Variants in BABAM2 observed in about 807,000 individuals in gnomAD.
BABAM2 encodes the protein BRISC and BRCA1-A complex member 2.
In BABAM2, 31 loss-of-function variants were observed where a neutral mutation model predicts 54.7. That is an observed-to-expected ratio of 0.57 (90% CI 0.43 to 0.77). BABAM2 has a LOEUF of 0.77. Among genes scored for constraint, BABAM2 ranks in the 30% least tolerant of loss-of-function variants. The pLI is 0.00. For missense variants in BABAM2, 364 were observed against 455.8 expected (o/e 0.80, Z 1.83); for synonymous variants, 167 against 162.9 (o/e 1.03, Z -0.19).
intron 7 of BABAM2, among the ~76,000 whole-genome samples, chr2:28,129,946 A>G (rs929883138): frequency 1.3e-5 from 2 of 152,260 alleles, no homozygotes; most frequent in Non-Finnish European, 2.9e-5. Flanking sequence ...TTTGTGTTAT[A>G]ACCAAGTAAC....
At position 27,925,245 on chromosome 2, in the gene BABAM2, A is replaced by G. The variant is rs866257854; in HGVS notation, c.129-4587A>G. On this transcript the variant is annotated intron_variant, in intron 2 of 11. Transcript: ENST00000379624. ...TCTGTGATGTTTTAGTGGCCCTTATAGATTGGCTAGCCCACCCATTAGCCT... is the reference window on the plus strand; with the variant it reads ...TCTGTGATGTTTTAGTGGCCCTTATGGATTGGCTAGCCCACCCATTAGCCT... 4.6e-5 allele frequency among the ~76,000 whole-genome samples: 7 copies of G among 152,228 alleles called. No homozygotes were observed. The South Asian group carries it at 1.5e-3, about 32-fold the overall frequency.
chr2:28,266,541 T>G (rs1685002340), intron 10 of BABAM2, among the ~76,000 whole-genome samples: 1 of 152,226 alleles, frequency 6.6e-6, no homozygotes, highest in Non-Finnish European at 1.5e-5. Flanking sequence ...AGTGATAAGA[T>G]CTTATAGTAT....
At chr2:28,040,873 G>A (rs1054057337) in intron 5 of BABAM2, among the ~76,000 whole-genome samples, 23 of 152,294 alleles carry the variant, frequency 1.5e-4, no homozygotes, top group African/African-American at 5.3e-4. Context: ...CATTAGTTGT[G>A]TAAATCAGCC....
chr2:28,081,007 G>T (rs565720948), intron 6 of BABAM2, among the ~76,000 whole-genome samples: 21 of 152,250 alleles, frequency 1.4e-4, no homozygotes, highest in Admixed American at 5.2e-4. Flanking sequence ...TTCCTGTTTT[G>T]CATGGATGAG....
At chr2:28,158,448 T>G (rs780993360) in intron 7 of BABAM2, among the ~76,000 whole-genome samples, 4 of 152,222 alleles carry the variant, frequency 2.6e-5, no homozygotes, top group Admixed American at 6.5e-5. Flanking sequence ...ATAAGGTAGC[T>G]CCTCAGTTTA....
chr2:28,213,212 C>T (rs1224830210), intron 7 of BABAM2, among the ~76,000 whole-genome samples: 8 of 150,240 alleles, frequency 5.3e-5, no homozygotes, highest in Non-Finnish European at 7.4e-5. Context: ...GGTGACAGAA[C>T]GAGACCCTGT....
chr2:28,142,999 T>G (rs1426864748), intron 7 of BABAM2, among the ~76,000 whole-genome samples: 1 of 152,148 alleles, frequency 6.6e-6, no homozygotes, highest in Non-Finnish European at 1.5e-5. Flanking sequence ...AGATTGTTCA[T>G]TTACTTTTTT....
chr2:28,326,319 T>C (rs1363737898), intron 11 of BABAM2, among the ~76,000 whole-genome samples: 1 of 152,062 alleles, frequency 6.6e-6, no homozygotes, highest in Non-Finnish European at 1.5e-5. Context: ...CAGCACATCA[T>C]GGTCTGTGCT....
intron 7 of BABAM2, among the ~76,000 whole-genome samples, chr2:28,221,621 G>A (rs186951162): frequency 1.8e-4 from 27 of 152,216 alleles, no homozygotes; most frequent in African/African-American, 6.5e-4. Context: ...CTATCTTCCT[G>A]GTGGCTGTAT....
chr2:27,888,837 AT>A (rs776288601), upstream of BABAM2, among the ~76,000 whole-genome samples: 7 of 152,140 alleles, frequency 4.6e-5, no homozygotes, highest in Non-Finnish European at 7.4e-5. Context: ...AGCCTAAAAT[AT>A]TTACTATCTG....
intron 10 of BABAM2, among the ~76,000 whole-genome samples, chr2:28,253,041 A>G (rs1053322665): frequency 9.2e-5 from 14 of 152,350 alleles, no homozygotes; most frequent in African/African-American, 3.4e-4. Flanking sequence ...TTGGTGAAGC[A>G]TGGGCATTAT....
At chr2:28,024,639 C>T (rs1223972014) in intron 4 of BABAM2, among the ~76,000 whole-genome samples, 1 of 152,108 alleles carries the variant, frequency 6.6e-6, no homozygotes, top group East Asian at 1.9e-4. Flanking sequence ...GAGTGACTGA[C>T]GGATGAACTG....
intron 6 of BABAM2, among the ~76,000 whole-genome samples, chr2:28,115,243 C>T (rs1440742363): frequency 3.3e-5 from 5 of 150,004 alleles, no homozygotes; most frequent in Non-Finnish European, 7.4e-5. Flanking sequence ...CAAATACTAT[C>T]ATATTTGGGT....
At chr2:27,949,394 C>T (rs1573240856) in intron 3 of BABAM2, among the ~76,000 whole-genome samples, 3 of 152,066 alleles carry the variant, frequency 2.0e-5, no homozygotes, top group African/African-American at 4.8e-5. Flanking sequence ...ATTAGCCAGG[C>T]GTGGTGATGG....
rs368708207 is a variant in BABAM2, at chr2:28,037,027, A to C, written c.496-8698A>C. Among the ~76,000 whole-genome samples, 4 of 152,184 alleles carry C rather than the reference A, an allele frequency of 2.6e-5. No homozygotes were observed. The East Asian group carries it at 7.7e-4, about 29-fold the overall frequency. The stretch of plus-strand genomic sequence containing the variant: ...TGAATGAATGAATGAATAATGCATG[A>C]ATTGTGGACATTTTATTATATACGC... On this transcript the variant is annotated intron_variant, in intron 5 of 11. Coordinates refer to ENST00000379624, the MANE Select transcript of BABAM2 (RefSeq NM_199191.3).
At chr2:28,336,025 G>A (rs1041548795) in intron 11 of BABAM2, among the ~76,000 whole-genome samples, 1 of 152,176 alleles carries the variant, frequency 6.6e-6, no homozygotes, top group Non-Finnish European at 1.5e-5. Flanking sequence ...ATGACTTGGA[G>A]CCAGATAGAG....
chr2:28,046,240 A>C (rs1006419841), intron 6 of BABAM2, among the ~76,000 whole-genome samples: 9 of 152,266 alleles, frequency 5.9e-5, no homozygotes, highest in Admixed American at 5.2e-4. Flanking sequence ...AGATCACCTG[A>C]GGTCAGGAGT....
chr2:28,148,831 G>C (rs1026237970), intron 7 of BABAM2, among the ~76,000 whole-genome samples: 1 of 152,318 alleles, frequency 6.6e-6, no homozygotes, highest in African/African-American at 2.4e-5. Flanking sequence ...AGGAGAGCTG[G>C]AGCCAGAGTG....
At position 28,325,667 on chromosome 2, in the gene BABAM2, A is replaced by T. The variant is rs1405582068; in HGVS notation, c.1089-12783A>T. 6.6e-6 allele frequency among the ~76,000 whole-genome samples: 1 copy of T among 152,028 alleles called. No homozygotes were observed. Among genetic ancestry groups the T allele is most frequent in the Admixed American group, 6.6e-5 (1 of 15,248 alleles). ...CGGTGTGATTTCAGCTGTCAGGGGG[A>T]TAAGGGTGAAGAGAGGAGGGACCAT... is the stretch of plus-strand genomic sequence containing the variant. On this transcript the variant is annotated intron_variant, in intron 11 of 11. Transcript: ENST00000379624. The surrounding 1 kb of genome is among the most constrained non-coding windows in gnomAD (Gnocchi z 4.3).
Sources: gnomAD v4.1 joint callset for allele counts (sites outside exome capture counted in the v4.1 genomes callset) on GRCh38, gnomAD v4.1.1 for gene constraint, Gnocchi (gnomAD v3.1) non-coding constraint, MANE v1.5 for transcripts, NCBI Gene and HGNC (gene_info 2026-07-23, HGNC 2026-07-21) for gene names.